The following SH3RF2 variants were observed in gnomAD, a reference collection of about 807,000 sequenced individuals.
SH3RF2 encodes E3 ubiquitin-protein ligase SH3RF2.
Under a neutral mutation model 59.0 loss-of-function variants are expected in SH3RF2, and 43 were observed. The observed-to-expected ratio is 0.73, with a 90% confidence interval of 0.57 to 0.94. The LOEUF is 0.94. Among genes scored for constraint, SH3RF2 ranks in the 40% least tolerant of loss-of-function variants. The pLI, the probability that SH3RF2 is intolerant of heterozygous loss-of-function variation, is 0.00. For synonymous variants in SH3RF2, 391 were observed against 391.5 expected (o/e 1.00, Z 0.01); for missense variants, 930 against 940.1 (o/e 0.99, Z 0.14).
chr5:145,963,236 CTGGATGAATGGATGGA>C (rs1479051888), intron 2 of SH3RF2, among the ~76,000 whole-genome samples: 2 of 143,182 alleles, frequency 1.4e-5, no homozygotes, highest in East Asian at 4.0e-4. Context: ...AAAATAAATA[CTGGATGAATGGATGGA>C]TGGATGGATG....
intron 5 of SH3RF2, among the ~76,000 whole-genome samples, chr5:146,022,796 C>G (rs1761375914): frequency 6.6e-6 from 1 of 151,546 alleles, no homozygotes; most frequent in Non-Finnish European, 1.5e-5. Flanking sequence ...TGGCTTGAAC[C>G]AGGAGGCAGA....
intron 9 of SH3RF2, among the ~76,000 whole-genome samples, chr5:146,075,783 A>G (rs1763329557): frequency 3.4e-5 from 2 of 59,354 alleles, no homozygotes; most frequent in Non-Finnish European, 7.2e-5. Context: ...CCATGTAAAA[A>G]AAAAAAAAAA....
intron 2 of SH3RF2, among the ~76,000 whole-genome samples, chr5:145,955,399 A>G (rs1758353799): frequency 6.6e-6 from 1 of 152,162 alleles, no homozygotes; most frequent in Non-Finnish European, 1.5e-5. Context: ...ACTGGGGACT[A>G]CTAGGTGGGG....
At chr5:145,953,416 G>A (rs774499167) in intron 2 of SH3RF2, among the ~76,000 whole-genome samples, 1 of 152,152 alleles carries the variant, frequency 6.6e-6, no homozygotes, top group Admixed American at 6.6e-5. Context: ...AAACCCACGT[G>A]GCTGAGGGGT....
chr5:146,004,863 A>T (rs1056016612), intron 4 of SH3RF2, among the ~76,000 whole-genome samples: 6 of 152,154 alleles, frequency 3.9e-5, no homozygotes, highest in African/African-American at 1.4e-4. Context: ...AACAGTGTGA[A>T]TATACTTAAC....
intron 5 of SH3RF2, among the ~76,000 whole-genome samples, chr5:146,035,786 A>G (rs768413969): frequency 1.3e-5 from 2 of 152,210 alleles, no homozygotes; most frequent in Admixed American, 1.3e-4. Flanking sequence ...CTAGATGTCC[A>G]GAGACTGCCC....
chr5:145,992,138 G>A (rs369871522), intron 2 of SH3RF2, among the ~76,000 whole-genome samples: 3 of 152,106 alleles, frequency 2.0e-5, no homozygotes, highest in East Asian at 1.9e-4. Flanking sequence ...TTGGGAGGCC[G>A]AGGCAGGTGG....
intron 4 of SH3RF2, among the ~76,000 whole-genome samples, chr5:146,009,208 A>G (rs1760775834): frequency 6.6e-6 from 1 of 152,214 alleles, no homozygotes; most frequent in African/African-American, 2.4e-5. Flanking sequence ...ACTGCCAAAC[A>G]GTAGCATGAG....
intron 2 of SH3RF2, among the ~76,000 whole-genome samples, chr5:145,978,743 G>C (rs1759397917): frequency 6.6e-6 from 1 of 151,828 alleles, no homozygotes; most frequent in Admixed American, 6.6e-5. Flanking sequence ...CCACCAGACT[G>C]TGTGAACAAT....
chr5:146,020,800 G>T (rs754669681), intron 5 of SH3RF2, among the ~76,000 whole-genome samples: 3 of 152,128 alleles, frequency 2.0e-5, no homozygotes, highest in Non-Finnish European at 4.4e-5. Context: ...AAGAGAGAGA[G>T]AGAAAAAGGT....
intron 2 of SH3RF2, among the ~76,000 whole-genome samples, chr5:145,941,726 G>T (rs2149938585): frequency 6.6e-6 from 1 of 152,276 alleles, no homozygotes; most frequent in Non-Finnish European, 1.5e-5. Flanking sequence ...CAACAGTTCT[G>T]CACTTTGGGT....
intron 2 of SH3RF2, among the ~76,000 whole-genome samples, chr5:145,941,411 T>C (rs1015390589): frequency 2.0e-5 from 3 of 152,192 alleles, no homozygotes; most frequent in East Asian, 1.9e-4. Flanking sequence ...GAAACAGCTG[T>C]AGGTTTCTGC....
intron 9 of SH3RF2, among the ~76,000 whole-genome samples, chr5:146,077,786 T>C (rs1475284501): frequency 2.6e-5 from 4 of 152,214 alleles, no homozygotes; most frequent in Non-Finnish European, 5.9e-5. Context: ...TCATACCTCT[T>C]TAGTTTCCTT....
chr5:146,042,927 C>T (rs1762178034), intron 5 of SH3RF2: 1 of 152,326 alleles, frequency 6.6e-6, no homozygotes, highest in Admixed American at 6.5e-5. Context: ...CAGGGAGCAT[C>T]AGTTGGTGGA....
chr5:145,997,475 G>T (rs1480495419), intron 2 of SH3RF2: 2 of 1,559,914 alleles, frequency 1.3e-6, no homozygotes, highest in African/African-American at 2.7e-5. Flanking sequence ...ATGGGATAAT[G>T]GATACAGTAC....
At chr5:146,027,691 G>A (rs1002073903) in intron 5 of SH3RF2, among the ~76,000 whole-genome samples, 1 of 152,242 alleles carries the variant, frequency 6.6e-6, no homozygotes, top group Non-Finnish European at 1.5e-5. Context: ...CTGCCTGGAA[G>A]AAGTGATCTT....
intron 5 of SH3RF2, among the ~76,000 whole-genome samples, chr5:146,020,571 CAT>C (rs1232778011): frequency 6.6e-6 from 1 of 152,166 alleles, no homozygotes; most frequent in African/African-American, 2.4e-5. Context: ...TTATTTCTCT[CAT>C]ATATATCTCT....
chr5:146,061,664 C>G (rs1285792730), intron 9 of SH3RF2, among the ~76,000 whole-genome samples: 1 of 152,024 alleles, frequency 6.6e-6, no homozygotes, highest in African/African-American at 2.4e-5. Flanking sequence ...CTATGGGTGC[C>G]TAGCAGATAT....
At chr5:146,014,746 A>G (rs373053713) in intron 5 of SH3RF2, among the ~76,000 whole-genome samples, 1 of 152,236 alleles carries the variant, frequency 6.6e-6, no homozygotes, top group East Asian at 1.9e-4. Flanking sequence ...ATGTAAAGTG[A>G]CTAGCACCAT....
Sources: gnomAD v4.1 joint callset for allele counts (sites outside exome capture counted in the v4.1 genomes callset) on GRCh38, gnomAD v4.1.1 for gene constraint, MANE v1.5 for transcripts, NCBI Gene and HGNC (gene_info 2026-07-23, HGNC 2026-07-21) for gene names.